KRTAP4-4: variants seen among roughly 807,000 people sequenced by gnomAD.
KRTAP4-4 encodes keratin associated protein 4-4, also known as keratin-associated protein 4-4.
For synonymous variants in KRTAP4-4, 88 were observed against 76.4 expected, an observed-to-expected ratio of 1.15 and a Z score of -0.79; for missense variants, 186 against 206.9, an observed-to-expected ratio of 0.90 and a Z score of 0.62.
rs199937608 is a variant in KRTAP4-4, at chr17:41,160,349, A to C, written c.343T>G (p.Cys115Gly). 310 of 1,612,582 alleles carry C rather than the reference A, an allele frequency of 1.9e-4. 1 individual carries two copies. In the East Asian group the frequency reaches 6.3e-3, roughly 33 times the overall value. ...CCRPQCCQSV[C>G]CQPTCCCPSY... is the part of the protein sequence containing the mutation. ...GGGCAGCAGCAGGTGGGCTGGCAGC[A>C]CACAGACTGGCAGCACTGGGGCCTG... is the stretch of plus-strand genomic sequence containing the variant. Residue 115 changes from cysteine (C) to glycine (G), a missense_variant, in exon 1 of 1, where the codon TGC becomes GGC. Coordinates refer to ENST00000390661, the MANE Select transcript of KRTAP4-4 (RefSeq NM_032524.2).
chr17:41,160,364 ACT>A lies in KRTAP4-4; in HGVS notation c.326_327del (p.Gln109LeufsTer90). On this transcript the variant is annotated frameshift_variant, in exon 1 of 1. Transcript: ENST00000390661. LOFTEE classifies it low-confidence loss of function (END_TRUNC). ...GGCTGGCAGCACACAGACTGGCAGC[ACT>A]GGGGCCTGCAGCAGCTGGGGCGGCA... is the stretch of plus-strand genomic sequence containing the variant. ...TCCRPSCCRP[Q>X]CCQSVCCQPT... The A allele has an allele frequency of 6.2e-7, 1 of 1,612,306 alleles. No homozygotes were observed. The highest frequency in any genetic ancestry group is 1.3e-5 in the African/African-American group (1 of 74,122).
At position 41,159,800 on chromosome 17, in the gene KRTAP4-4, T is replaced by G; in HGVS notation, c.*391A>C. ...AGAGCAAATTACAACTTATGTTCAT[T>G]TGGTAGAGAGGTAAAATGTGGGGGG... On this transcript the variant is annotated 3_prime_UTR_variant, in exon 1 of 1. Coordinates refer to ENST00000390661, the MANE Select transcript of KRTAP4-4 (RefSeq NM_032524.2). 1 of 284,188 alleles carries G rather than the reference T, an allele frequency of 3.5e-6. No homozygotes were observed. The highest frequency in any genetic ancestry group is 6.6e-6 in the Non-Finnish European group (1 of 151,482). 17.6% of individuals were successfully genotyped at this position (284,188 alleles called of 1,614,324 possible).
chr17:41,160,503 G>T lies in KRTAP4-4; in HGVS notation c.189C>A (p.Pro63=). ...TTCCRTTCCH[P]SCCVSSCCRP... ...TGCAGCAGCTGGACACACAGCAGCT[G>T]GGGTGGCAGCAGGTGGTCCTGCAGC... Residue 63 remains proline, a synonymous_variant, in exon 1 of 1, where the codon CCC becomes CCA. Transcript: ENST00000390661. 2.5e-6 allele frequency: 4 copies of T among 1,613,352 alleles called. No individual in the cohort carries two copies. Among genetic ancestry groups the T allele is most frequent in the Non-Finnish European group, 3.4e-6 (4 of 1,179,842 alleles).
Position 41,160,123 on chromosome 17 carries a change from C to A in KRTAP4-4, c.*68G>T. 6.3e-7 allele frequency: 1 copy of A among 1,589,206 alleles called. No homozygotes were observed. Among genetic ancestry groups the A allele is most frequent in the Non-Finnish European group, 8.6e-7 (1 of 1,166,860 alleles). ...AGAGATACTGCAGGAAGGCTGGCAG[C>A]AGCTGGAAATGCAATAGCTGGGGTG... is the stretch of plus-strand genomic sequence containing the variant. On this transcript the variant is annotated 3_prime_UTR_variant, in exon 1 of 1. Transcript: ENST00000390661.
Position 41,160,635 on chromosome 17 carries a change from G to A in KRTAP4-4, c.57C>T (p.Asn19=). Residue 19 remains asparagine (N), a synonymous_variant, in exon 1 of 1, where the codon AAC becomes AAT. Transcript: ENST00000390661. The part of the protein sequence containing the change: ...VCSDQGCGLE[N]CCRPSYCQTT... ...TCTGGCAGTAGCTGGGACGGCAGCA[G>A]TTCTCTAGGCCACAGCCCTGGTCAG... The A allele has an allele frequency of 6.2e-7, 1 of 1,614,070 alleles. No homozygotes were observed. The highest frequency in any genetic ancestry group is 8.5e-7 in the Non-Finnish European group (1 of 1,179,986).
rs368125072 is a variant in KRTAP4-4, at chr17:41,159,810, G to A, written c.*381C>T. Reference sequence around the variant, plus strand: ...ACAACTTATGTTCATTTGGTAGAGAGGTAAAATGTGGGGGGAGCATATATT... The same window carrying A: ...ACAACTTATGTTCATTTGGTAGAGAAGTAAAATGTGGGGGGAGCATATATT... On this transcript the variant is annotated 3_prime_UTR_variant, in exon 1 of 1. Transcript: ENST00000390661. 5.0e-5 allele frequency: 16 copies of A among 317,260 alleles called. No homozygotes were observed. In the East Asian group the frequency reaches 9.9e-4, roughly 20 times the overall value. 19.7% of individuals were successfully genotyped at this position (317,260 alleles called of 1,614,324 possible).
At position 41,159,985 on chromosome 17, in the gene KRTAP4-4, G is replaced by C. The variant is rs1382357834; in HGVS notation, c.*206C>G. 3.8e-6 allele frequency: 3 copies of C among 785,734 alleles called. No individual in the cohort carries two copies. The African/African-American group carries it at 5.2e-5, about 14-fold the overall frequency. The allele number at this position is 785,734 out of a possible 1,614,324, so 48.7% of individuals were successfully genotyped here. A position where few individuals can be genotyped will look rare whatever the true frequency, so the allele number is the denominator to read the frequency against. On this transcript the variant is annotated 3_prime_UTR_variant, in exon 1 of 1. Coordinates refer to ENST00000390661, the MANE Select transcript of KRTAP4-4 (RefSeq NM_032524.2). ...ACAGCCTCAGCAGCAAGAAGCACTA[G>C]AGCAGGTTGGGCGGCAGCACATGGT...
At position 41,160,410 on chromosome 17, in the gene KRTAP4-4, G is replaced by A. The variant is rs1226615101; in HGVS notation, c.282C>T (p.Thr94=). The change falls in exon 1 of 1, where the codon ACC becomes ACT. Residue 94 remains threonine, a synonymous_variant. Coordinates refer to ENST00000390661, the MANE Select transcript of KRTAP4-4 (RefSeq NM_032524.2). ...GGCGGCAGCAGGTGGTCCTACAGCA[G>A]GTAGTCTGGCAGCATTGGGGTCTGC... ...TCCRPQCCQT[T]CCRTTCCRPS... is the part of the protein sequence containing the mutation. The A allele has an allele frequency of 6.2e-7, 1 of 1,611,724 alleles. No individual in the cohort carries two copies. The highest frequency in any genetic ancestry group is 2.2e-5 in the East Asian group (1 of 44,738).
chr17:41,160,179 C>A lies in KRTAP4-4; in HGVS notation c.*12G>T. 6.4e-7 allele frequency: 1 copy of A among 1,554,246 alleles called. No individual in the cohort carries two copies. Among genetic ancestry groups the A allele is most frequent in the Non-Finnish European group, 8.7e-7 (1 of 1,152,332 alleles). On this transcript the variant is annotated 3_prime_UTR_variant, in exon 1 of 1. Transcript: ENST00000390661. Reference sequence around the variant, plus strand: ...AGGTGGTCCTGTAGCAGGTGGTTTGCCAGCAGATGGGCTAGCAGCATAGAG... The same window carrying A: ...AGGTGGTCCTGTAGCAGGTGGTTTGACAGCAGATGGGCTAGCAGCATAGAG...
chr17:41,160,327 C>A lies in KRTAP4-4; in HGVS notation c.365G>T (p.Cys122Phe), dbSNP rs374781010. 6.2e-7 allele frequency: 1 copy of A among 1,608,522 alleles called. No individual in the cohort carries two copies. The highest frequency in any genetic ancestry group is 1.4e-5 in the African/African-American group (1 of 73,046). Residue 122 changes from cysteine to phenylalanine, a missense_variant, in exon 1 of 1, where the codon TGC becomes TTC. Cys to Phe is a radical substitution (Grantham distance 205). Coordinates refer to ENST00000390661, the MANE Select transcript of KRTAP4-4 (RefSeq NM_032524.2). ...QSVCCQPTCC[C>F]PSYCVSSCCR... Reference sequence around the variant, plus strand: ...GCAGCTGGACACACAGTAGCTGGGGCAGCAGCAGGTGGGCTGGCAGCACAC... The same window carrying A: ...GCAGCTGGACACACAGTAGCTGGGGAAGCAGCAGGTGGGCTGGCAGCACAC...
chr17:41,160,462 T>C lies in KRTAP4-4; in HGVS notation c.230A>G (p.Gln77Arg), dbSNP rs1314507131. 6.2e-7 allele frequency: 1 copy of C among 1,610,506 alleles called. No individual in the cohort carries two copies. The highest frequency in any genetic ancestry group is 8.5e-7 in the Non-Finnish European group (1 of 1,179,166). Residue 77 changes from glutamine to arginine, a missense_variant, in exon 1 of 1, where the codon CAG becomes CGG. Gln to Arg is a conservative substitution (Grantham distance 43, BLOSUM62 1). Transcript: ENST00000390661. ...VSSCCRPQCCQSVCCQPTCCR... is the reference protein window; with the variant it reads ...VSSCCRPQCCRSVCCQPTCCR... Reference sequence around the variant, plus strand: ...GCAGGTGGGCTGGCAGCACACAGACTGGCAGCACTGGGGTCTGCAGCAGCT... The same window carrying C: ...GCAGGTGGGCTGGCAGCACACAGACCGGCAGCACTGGGGTCTGCAGCAGCT...
In KRTAP4-4 at chr17:41,160,732, G is replaced by T. The variant is rs2014962458; in HGVS notation, c.-41C>A. 1 of 1,581,892 alleles carries T rather than the reference G, an allele frequency of 6.3e-7. No homozygotes were observed. Reference sequence around the variant, plus strand: ...AGGTTCTGGGTGGGTTTCCAGGAAGGAGGGTTTGGAAGGCTTGGAAGTCTC... The same window carrying T: ...AGGTTCTGGGTGGGTTTCCAGGAAGTAGGGTTTGGAAGGCTTGGAAGTCTC... On this transcript the variant is annotated 5_prime_UTR_variant, in exon 1 of 1. Transcript: ENST00000390661.
rs776345792 is a variant in KRTAP4-4 at position 41,160,633 on chromosome 17, C to T, written c.59G>A (p.Cys20Tyr). ...CSDQGCGLEN[C>Y]CRPSYCQTTC... Reference sequence around the variant, plus strand: ...GGTCTGGCAGTAGCTGGGACGGCAGCAGTTCTCTAGGCCACAGCCCTGGTC... The same window carrying T: ...GGTCTGGCAGTAGCTGGGACGGCAGTAGTTCTCTAGGCCACAGCCCTGGTC... Residue 20 changes from cysteine to tyrosine, a missense_variant, in exon 1 of 1, where the codon TGC becomes TAC. Coordinates refer to ENST00000390661, the MANE Select transcript of KRTAP4-4 (RefSeq NM_032524.2). 21 of 1,614,014 alleles carry T rather than the reference C, an allele frequency of 1.3e-5. No homozygotes were observed. The South Asian group carries it at 2.3e-4, about 18-fold the overall frequency.
Position 41,160,053 on chromosome 17 carries a change from G to A in KRTAP4-4, c.*138C>T, listed in dbSNP as rs1484516142. On this transcript the variant is annotated 3_prime_UTR_variant, in exon 1 of 1. Coordinates refer to ENST00000390661, the MANE Select transcript of KRTAP4-4 (RefSeq NM_032524.2). Reference sequence around the variant, plus strand: ...GGCAGCAACTGGAGATGCAGCAGGAGAGCCTGCAGCAGCTGAAGCCACAGC... The same window carrying A: ...GGCAGCAACTGGAGATGCAGCAGGAAAGCCTGCAGCAGCTGAAGCCACAGC... The A allele has an allele frequency of 7.4e-7, 1 of 1,346,732 alleles. No homozygotes were observed. The highest frequency in any genetic ancestry group is 1.0e-6 in the Non-Finnish European group (1 of 972,856). 83.4% of individuals were successfully genotyped at this position (1,346,732 alleles called of 1,614,324 possible). A position where few individuals can be genotyped will look rare whatever the true frequency, so the allele number is the denominator to read the frequency against.
rs899649484 is a variant in KRTAP4-4, at chr17:41,160,588, C to T, written c.104G>A (p.Cys35Tyr). 1 of 1,613,778 alleles carries T rather than the reference C, an allele frequency of 6.2e-7. No homozygotes were observed. The highest frequency in any genetic ancestry group is 8.5e-7 in the Non-Finnish European group (1 of 1,179,990). The change falls in exon 1 of 1, where the codon TGC becomes TAC. Residue 35 changes from cysteine to tyrosine, a missense_variant. Transcript: ENST00000390661. Reference protein sequence around the residue: ...YCQTTCCRTTCCRPSCCVSSC... With the variant: ...YCQTTCCRTTYCRPSCCVSSC... ...GGACACACAGCAGCTGGGGCGGCAG[C>T]AGGTGGTCCTGCAGCAGGTGGTCTG...
At position 41,160,093 on chromosome 17, in the gene KRTAP4-4, C is replaced by T. The variant is rs2014943767; in HGVS notation, c.*98G>A. The T allele has an allele frequency of 5.8e-6, 9 of 1,552,850 alleles. No homozygotes were observed. The highest frequency in any genetic ancestry group is 3.7e-5 in the South Asian group (3 of 81,414). On this transcript the variant is annotated 3_prime_UTR_variant, in exon 1 of 1. Transcript: ENST00000390661. ...GAAGCCACAGCAGGAGGAGCTACTG[C>T]TGCTAGAGATACTGCAGGAAGGCTG... is the stretch of plus-strand genomic sequence containing the variant.
rs761864733 is a variant in KRTAP4-4 at position 41,160,663 on chromosome 17, C to T, written c.29G>A (p.Cys10Tyr). 7 of 1,612,504 alleles carry T rather than the reference C, an allele frequency of 4.3e-6. No individual in the cohort carries two copies. The highest frequency in any genetic ancestry group is 3.4e-6 in the Non-Finnish European group (4 of 1,178,972). Residue 10 changes from cysteine to tyrosine, a missense_variant, in exon 1 of 1, where the codon TGC (cysteine) becomes TAC (tyrosine). Transcript: ENST00000390661. The stretch of plus-strand genomic sequence containing the variant: ...CTCTAGGCCACAGCCCTGGTCAGAG[C>T]ACACAGAGCCACAACAGGAGTTGAC... MVNSCCGSV[C>Y]SDQGCGLENC...
In KRTAP4-4 at chr17:41,159,905, C is replaced by A; in HGVS notation, c.*286G>T. ...CCAACTAGCTTCCCATAACTCAGCT[C>A]ATAGATGAGCTACATCAAGAATGCT... is the stretch of plus-strand genomic sequence containing the variant. On this transcript the variant is annotated 3_prime_UTR_variant, in exon 1 of 1. Transcript: ENST00000390661. 1.7e-6 allele frequency: 1 copy of A among 572,982 alleles called. No homozygotes were observed. Among genetic ancestry groups the A allele is most frequent in the Non-Finnish European group, 3.1e-6 (1 of 318,014 alleles). 35.5% of individuals were successfully genotyped at this position (572,982 alleles called of 1,614,324 possible). A position where few individuals can be genotyped will look rare whatever the true frequency, so the allele number is the denominator to read the frequency against.
Position 41,159,806 on chromosome 17 carries a change from G to A in KRTAP4-4, c.*385C>T. ...AATTACAACTTATGTTCATTTGGTAGAGAGGTAAAATGTGGGGGGAGCATA... is the reference window on the plus strand; with the variant it reads ...AATTACAACTTATGTTCATTTGGTAAAGAGGTAAAATGTGGGGGGAGCATA... On this transcript the variant is annotated 3_prime_UTR_variant, in exon 1 of 1. Coordinates refer to ENST00000390661, the MANE Select transcript of KRTAP4-4 (RefSeq NM_032524.2). 3.3e-6 allele frequency: 1 copy of A among 302,620 alleles called. No homozygotes were observed. The highest frequency in any genetic ancestry group is 6.1e-6 in the Non-Finnish European group (1 of 162,638). The allele number at this position is 302,620 out of a possible 1,614,324, so 18.7% of individuals were successfully genotyped here. A position where few individuals can be genotyped will look rare whatever the true frequency, so the allele number is the denominator to read the frequency against.
Sources: gnomAD v4.1 joint callset for allele counts on GRCh38, gnomAD v4.1.1 for gene constraint, MANE v1.5 for transcripts, NCBI Gene and HGNC (gene_info 2026-07-23, HGNC 2026-07-21) for gene names.